The following NLRC5 variants were observed in gnomAD, a reference collection of about 807,000 sequenced individuals.
NLRC5 encodes protein NLRC5.
Under a neutral mutation model 206.9 loss-of-function variants are expected in NLRC5, and 114 were observed. The ratio of observed to expected loss-of-function variants is 0.55; its 90% CI spans 0.47 to 0.64. The LOEUF is 0.64. Among genes scored for constraint, NLRC5 ranks in the 30% least tolerant of loss-of-function variants. The pLI is 0.00. For missense variants in NLRC5, 2,008 were observed against 2,305.5 expected (o/e 0.87, Z 2.64); for synonymous variants, 952 against 962.8 (o/e 0.99, Z 0.21).
intron 1 of NLRC5, among the ~76,000 whole-genome samples, chr16:56,992,949 T>C (rs1462577630): frequency 6.6e-6 from 1 of 152,152 alleles, no homozygotes; most frequent in African/African-American, 2.4e-5. Flanking sequence ...GTAAAACATT[T>C]GGAAAGATAT....
At chr16:57,064,327 A>G (rs2066862713) in intron 32 of NLRC5, among the ~76,000 whole-genome samples, 1 of 152,236 alleles carries the variant, frequency 6.6e-6, no homozygotes, top group Non-Finnish European at 1.5e-5. Flanking sequence ...ATTTGACTTA[A>G]TTCTCTTTTT....
chr16:57,072,718 C>G (rs1219520123), intron 38 of NLRC5, among the ~76,000 whole-genome samples: 1 of 152,240 alleles, frequency 6.6e-6, no homozygotes, highest in Non-Finnish European at 1.5e-5. Context: ...CAAAAAAGTT[C>G]CATCTTTCTA....
rs2069301496 is a variant in NLRC5 at position 57,082,759 on chromosome 16, C to A, written c.*231C>A. ...CTGCATTACGTGGGATATGTGTGAT[C>A]AATTGGGGACATGCGACACACAATG... On this transcript the variant is annotated 3_prime_UTR_variant, in exon 49 of 49. Coordinates refer to ENST00000688547, the MANE Select transcript of NLRC5 (RefSeq NM_001384950.1). 3 of 436,426 alleles carry A rather than the reference C, an allele frequency of 6.9e-6. No individual in the cohort carries two copies. The highest frequency in any genetic ancestry group is 1.2e-5 in the Non-Finnish European group (3 of 244,898). The allele number at this position is 436,426 out of a possible 1,614,324, so 27.0% of individuals were successfully genotyped here. A position where few individuals can be genotyped will look rare whatever the true frequency, so the allele number is the denominator to read the frequency against.
rs767086789 is a variant in NLRC5, at chr16:57,028,081, C to A, written c.2085C>A (p.Ser695Arg). ...CTTCTTCTTATGGCAGCTTTAAGAGCAGGAAGTGTGGGGATGCCTTTGCAG... is the reference window on the plus strand; with the variant it reads ...CTTCTTCTTATGGCAGCTTTAAGAGAAGGAAGTGTGGGGATGCCTTTGCAG... ...CGQIENLSFK[S>R]RKCGDAFAEA... is the part of the protein sequence containing the mutation. Residue 695 changes from serine to arginine, a missense_variant, in exon 7 of 49, where the codon AGC (serine) becomes AGA (arginine). By Grantham distance (110) the Ser-to-Arg change is moderately radical. Transcript: ENST00000688547. 2 of 1,613,170 alleles carry A rather than the reference C, an allele frequency of 1.2e-6. No homozygotes were observed. Among genetic ancestry groups the A allele is most frequent in the Non-Finnish European group, 1.7e-6 (2 of 1,179,388 alleles).
intron 38 of NLRC5, chr16:57,074,346 T>G: frequency 2.7e-6 from 1 of 363,926 alleles, no homozygotes. Context: ...GTGACCGCCA[T>G]TATTACGGAT....
intron 16 of NLRC5, among the ~76,000 whole-genome samples, 182 bp from the exon 17 acceptor site, chr16:57,040,468 T>A (rs905004499): frequency 8.5e-5 from 13 of 152,140 alleles, no homozygotes; most frequent in Non-Finnish European, 1.8e-4. Context: ...CAGTCTCCCA[T>A]TGAGAGGCTG....
chr16:56,989,903 C>A (rs1373750948), intron 1 of NLRC5, among the ~76,000 whole-genome samples: 3 of 152,182 alleles, frequency 2.0e-5, no homozygotes, highest in African/African-American at 7.2e-5. Context: ...ACACAGTAAG[C>A]GGCTGTGCTC....
chr16:57,077,983 C>A lies in NLRC5; in HGVS notation c.5044C>A (p.Leu1682Met), dbSNP rs762164763. ...CCTGGGGGATCCCACAGCCCTGGGGCTGGCTCAGGAGCTGCCCCAGCACCT... is the reference window on the plus strand; with the variant it reads ...CCTGGGGGATCCCACAGCCCTGGGGATGGCTCAGGAGCTGCCCCAGCACCT... ...NALGDPTALGLAQELPQHLRV... is the reference protein window; with the variant it reads ...NALGDPTALGMAQELPQHLRV... The change falls in exon 43 of 49, where the codon CTG (leucine) becomes ATG (methionine). Residue 1682 changes from leucine to methionine, a missense_variant. Physicochemically the swap from Leu to Met is conservative, Grantham distance 15 (BLOSUM62 2). Coordinates refer to ENST00000688547, the MANE Select transcript of NLRC5 (RefSeq NM_001384950.1). 1.5e-5 allele frequency: 24 copies of A among 1,611,540 alleles called. No homozygotes were observed. Among genetic ancestry groups the A allele is most frequent in the Non-Finnish European group, 2.0e-5 (24 of 1,178,606 alleles).
intron 19 of NLRC5, among the ~76,000 whole-genome samples, chr16:57,042,391 C>A (rs1331793694): frequency 1.3e-5 from 2 of 152,036 alleles, no homozygotes; most frequent in African/African-American, 4.8e-5. Flanking sequence ...TATTCTGGCC[C>A]TGGGGTGCCG....
At chr16:57,044,580 T>C (rs944403958) in intron 20 of NLRC5, among the ~76,000 whole-genome samples, 2 of 151,968 alleles carry the variant, frequency 1.3e-5, no homozygotes, top group African/African-American at 4.8e-5. Flanking sequence ...TCCCAGAGCC[T>C]CTCCAGGCCT....
chr16:57,067,451 G>C lies in NLRC5; in HGVS notation c.4387G>C (p.Ala1463Pro), dbSNP rs1036968289. The C allele has an allele frequency of 8.1e-6, 13 of 1,614,094 alleles. No homozygotes were observed. Among genetic ancestry groups the C allele is most frequent in the Admixed American group, 3.3e-5 (2 of 60,010 alleles). The change falls in exon 35 of 49, where the codon GCC becomes CCC. Residue 1463 changes from alanine to proline, a missense_variant. By Grantham distance (27) the Ala-to-Pro change is conservative. Transcript: ENST00000688547. ...TGTCGGGCAGCTGATGGAGACATGT[G>C]CCAGGCTGCAGCAGCTCAGGTCAGC... ...LLVGQLMETC[A>P]RLQQLSLSQV...
At chr16:57,066,129 C>T (rs1448814852) in intron 33 of NLRC5, among the ~76,000 whole-genome samples, 3 of 152,056 alleles carry the variant, frequency 2.0e-5, no homozygotes, top group Admixed American at 6.6e-5. Flanking sequence ...GGCTTATCAA[C>T]TTATTAACTT....
At chr16:57,027,991 C>T in intron 6 of NLRC5, 81 bp from the exon 7 acceptor site, 1 of 879,618 alleles carries the variant, frequency 1.1e-6, no homozygotes, top group Non-Finnish European at 1.8e-6. Flanking sequence ...GTATTAAGCC[C>T]CATCTCTCTG....
At chr16:57,006,132 T>C (rs2058874440) in intron 1 of NLRC5, among the ~76,000 whole-genome samples, 1 of 150,986 alleles carries the variant, frequency 6.6e-6, no homozygotes, top group Admixed American at 6.6e-5. Flanking sequence ...GCGGGTAGCT[T>C]GGACAACATG....
intron 26 of NLRC5, 70 bp downstream of exon 26, chr16:57,055,164 G>T (rs1260576045): frequency 2.0e-6 from 3 of 1,534,230 alleles, no homozygotes; most frequent in Admixed American, 3.3e-5. Context: ...CTCCTGGGTG[G>T]CCAGAGCAGT....
At chr16:57,029,328 G>A (rs1567561143) in intron 8 of NLRC5, among the ~76,000 whole-genome samples, 1 of 152,198 alleles carries the variant, frequency 6.6e-6, no homozygotes, top group African/African-American at 2.4e-5. Flanking sequence ...GGAAAGTGAG[G>A]TCAGAGAGGA....
At chr16:57,062,891 A>G (rs1024588018) in intron 32 of NLRC5, 15 of 152,058 alleles carry the variant, frequency 9.9e-5, no homozygotes, top group African/African-American at 3.6e-4. Context: ...CTCTATCCCC[A>G]TTAAACAACA....
In NLRC5 at chr16:57,025,982, C is replaced by T. The variant is rs1220165368; in HGVS notation, c.1039C>T (p.Arg347Cys). 5 of 1,613,964 alleles carry T rather than the reference C, an allele frequency of 3.1e-6. No individual in the cohort carries two copies. Among genetic ancestry groups the T allele is most frequent in the African/African-American group, 1.3e-5 (1 of 74,938 alleles). Reference sequence around the variant, plus strand: ...TGGCTGCCGGGTGATGGCTACCTCCCGTCCAGGGAAGCTGCCTGCCTGCCT... The same window carrying T: ...TGGCTGCCGGGTGATGGCTACCTCCTGTCCAGGGAAGCTGCCTGCCTGCCT... ...LPGCRVMATS[R>C]PGKLPACLPA... is the part of the protein sequence containing the mutation. Residue 347 changes from arginine to cysteine, a missense_variant, in exon 6 of 49, where the codon CGT becomes TGT. Arg to Cys is a radical substitution (Grantham distance 180, BLOSUM62 -3). Coordinates refer to ENST00000688547, the MANE Select transcript of NLRC5 (RefSeq NM_001384950.1).
At position 57,020,841 on chromosome 16, in the gene NLRC5, C is replaced by T; in HGVS notation, c.129C>T (p.Ser43=). ...KFFLPNTDLD[S]RNETLDPEQR... ...TCCTCCCCAACACGGACCTGGATTCCAGGAACGAGACCTTGGACCCTGAAC... is the reference window on the plus strand; with the variant it reads ...TCCTCCCCAACACGGACCTGGATTCTAGGAACGAGACCTTGGACCCTGAAC... The change falls in exon 3 of 49, where the codon TCC becomes TCT. Residue 43 remains serine (S), a synonymous_variant. Transcript: ENST00000688547. The T allele has an allele frequency of 1.2e-6, 2 of 1,613,548 alleles. No homozygotes were observed. Among genetic ancestry groups the T allele is most frequent in the Non-Finnish European group, 1.7e-6 (2 of 1,179,920 alleles).
Sources: allele counts gnomAD v4.1 joint callset (sites outside exome capture counted in the v4.1 genomes callset), GRCh38; gene constraint gnomAD v4.1.1; transcripts MANE v1.5; gene names NCBI Gene and HGNC (gene_info 2026-07-23, HGNC 2026-07-21).